ALPK2: variants seen among roughly 807,000 people sequenced by gnomAD.
ALPK2 encodes alpha-protein kinase 2.
ALPK2 carries 127 observed loss-of-function variants against 163.1 expected under a neutral mutation model. The ratio of observed to expected loss-of-function variants is 0.78; its 90% confidence interval spans 0.67 to 0.90. The LOEUF is 0.90. ALPK2 is among the 40% of genes least tolerant of loss of function. The probability of loss-of-function intolerance (pLI) is 0.00; values close to 1 mark genes in which losing one functional copy is unlikely to be tolerated. For missense variants in ALPK2, 2,360 were observed against 2,589.6 expected, an observed-to-expected ratio of 0.91 and a Z score of 1.92; for synonymous variants, 953 against 959.1, an observed-to-expected ratio of 0.99 and a Z score of 0.12.
chr18:58,624,497 C>A (rs957734695), intron 1 of ALPK2, among the ~76,000 whole-genome samples: 63 of 150,994 alleles, frequency 4.2e-4, no homozygotes, highest in Admixed American at 2.6e-4. Context: ...TCTTGTTGCC[C>A]AGGCTGGAGT....
intron 3 of ALPK2, among the ~76,000 whole-genome samples, chr18:58,593,268 T>C (rs1177925069): frequency 6.6e-6 from 1 of 151,884 alleles, no homozygotes; most frequent in Non-Finnish European, 1.5e-5. Context: ...AAAGTCTATT[T>C]AAAAAGAAAA....
intron 4 of ALPK2, among the ~76,000 whole-genome samples, chr18:58,570,082 A>G (rs942441680): frequency 1.4e-5 from 2 of 147,832 alleles, no homozygotes; most frequent in Non-Finnish European, 3.0e-5. Context: ...GTGAGCCGAG[A>G]TTGCGCCATT....
intron 10 of ALPK2, among the ~76,000 whole-genome samples, chr18:58,506,460 T>A (rs1001094503): frequency 2.0e-5 from 3 of 152,038 alleles, no homozygotes; most frequent in African/African-American, 7.2e-5. Flanking sequence ...GAAGAGCTCA[T>A]TTGCCCCCAC....
At chr18:58,484,730 G>T (rs901222125) in intron 12 of ALPK2, among the ~76,000 whole-genome samples, 2 of 146,254 alleles carry the variant, frequency 1.4e-5, no homozygotes, top group African/African-American at 5.1e-5. Flanking sequence ...GCGACAGAGC[G>T]AGACTTCGTC....
intron 4 of ALPK2, chr18:58,543,427 T>A (rs2051701826): frequency 1.0e-6 from 1 of 985,288 alleles, no homozygotes; most frequent in Non-Finnish European, 1.2e-6. Context: ...TGTGCGTTGA[T>A]ACAGGCAGGA....
chr18:58,552,108 A>G (rs544523528), intron 4 of ALPK2, among the ~76,000 whole-genome samples: 1 of 152,328 alleles, frequency 6.6e-6, no homozygotes, highest in East Asian at 1.9e-4. Flanking sequence ...AAATGCCCCA[A>G]ATCGCAAGGC....
intron 1 of ALPK2, among the ~76,000 whole-genome samples, chr18:58,627,244 A>G (rs1398636343): frequency 6.6e-6 from 1 of 152,220 alleles, no homozygotes; most frequent in Non-Finnish European, 1.5e-5. Context: ...GGAGAAAAAA[A>G]CTTTGTAGGT....
At chr18:58,586,815 T>C (rs556207711) in intron 3 of ALPK2, among the ~76,000 whole-genome samples, 6 of 151,298 alleles carry the variant, frequency 4.0e-5, no homozygotes, top group African/African-American at 1.5e-4. Context: ...GGCAGTAGAT[T>C]ACAATTGGGT....
Position 58,498,530 on chromosome 18 carries a change from G to T in ALPK2, c.6248-433C>A, listed in dbSNP as rs73959670. ...CATGATGGAAAGAAAAGTAGGCACG[G>T]CCTGGGATAGTCAATGCCAATAGCA... On this transcript the variant is annotated intron_variant, in intron 11 of 12. Coordinates refer to ENST00000361673, the MANE Select transcript of ALPK2 (RefSeq NM_052947.4). Among the ~76,000 whole-genome samples, 429 of 152,332 alleles carry T rather than the reference G, an allele frequency of 2.8e-3. 1 individual carries two copies. The highest frequency in any genetic ancestry group is 9.9e-3 in the African/African-American group (411 of 41,578).
chr18:58,482,583 C>T (rs1438941852), intron 12 of ALPK2, among the ~76,000 whole-genome samples: 1 of 152,140 alleles, frequency 6.6e-6, no homozygotes, highest in African/African-American at 2.4e-5. Context: ...CCCTCTGAGT[C>T]TTTCTCCTAC....
At chr18:58,605,475 C>G (rs1344165879) in intron 3 of ALPK2, among the ~76,000 whole-genome samples, 2 of 152,190 alleles carry the variant, frequency 1.3e-5, no homozygotes, top group Non-Finnish European at 2.9e-5. Flanking sequence ...GGCACTGTGC[C>G]AGGCTCTAGG....
At chr18:58,621,976 C>T (rs968585192) in intron 1 of ALPK2, among the ~76,000 whole-genome samples, 1 of 151,444 alleles carries the variant, frequency 6.6e-6, no homozygotes, top group Non-Finnish European at 1.5e-5. Flanking sequence ...CTCCTCTCCC[C>T]TGCTGTTTAA....
chr18:58,596,699 C>A (rs920578179), intron 3 of ALPK2, among the ~76,000 whole-genome samples: 2 of 152,236 alleles, frequency 1.3e-5, no homozygotes, highest in Non-Finnish European at 2.9e-5. Flanking sequence ...TCATTCAAAT[C>A]ATTTCCCCCA....
intron 10 of ALPK2, among the ~76,000 whole-genome samples, chr18:58,507,840 C>T (rs2051469524): frequency 6.6e-6 from 1 of 152,128 alleles, no homozygotes; most frequent in African/African-American, 2.4e-5. Flanking sequence ...GGTAACAGCC[C>T]CTCTCCAAAA....
chr18:58,604,916 G>A (rs2052090096), intron 3 of ALPK2, among the ~76,000 whole-genome samples: 1 of 152,076 alleles, frequency 6.6e-6, no homozygotes, highest in Admixed American at 6.5e-5. Context: ...GCTTCCTCAT[G>A]GGCTTCTTAT....
chr18:58,600,319 G>A lies in ALPK2; in HGVS notation c.227+7003C>T, dbSNP rs148048751. Among the ~76,000 whole-genome samples the A allele has an allele frequency of 1.1e-3, 169 of 152,330 alleles. 1 individual carries two copies. Among genetic ancestry groups the A allele is most frequent in the African/African-American group, 3.9e-3 (164 of 41,588 alleles). ...CCCAAAGTGCTGGGATTACAGGCGT[G>A]AGTCACCGCATCCGGCCCCAGTGGG... On this transcript the variant is annotated intron_variant, in intron 3 of 12. Coordinates refer to ENST00000361673, the MANE Select transcript of ALPK2 (RefSeq NM_052947.4).
intron 4 of ALPK2, among the ~76,000 whole-genome samples, chr18:58,566,199 T>A (rs2051852269): frequency 6.6e-6 from 1 of 152,260 alleles, no homozygotes; most frequent in African/African-American, 2.4e-5. Context: ...AACATCAGTT[T>A]ATTGGGGGTC....
chr18:58,535,574 G>A lies in ALPK2; in HGVS notation c.4613C>T (p.Thr1538Ile). The A allele has an allele frequency of 6.2e-7, 1 of 1,614,220 alleles. No homozygotes were observed. Among genetic ancestry groups the A allele is most frequent in the Non-Finnish European group, 8.5e-7 (1 of 1,180,028 alleles). ...TGGAAGACAACTAGAAAGAGGTGAA[G>A]TGGGGGAAATCAATTCTGCTTTGTC... is the stretch of plus-strand genomic sequence containing the variant. The part of the protein sequence containing the change: ...KKDKAELISP[T>I]SPLSSCLPIM... The change falls in exon 5 of 13, where the codon ACT (threonine) becomes ATT (isoleucine). Residue 1538 changes from threonine (T) to isoleucine (I), a missense_variant. Thr to Ile is a moderately conservative substitution (Grantham distance 89). Coordinates refer to ENST00000361673, the MANE Select transcript of ALPK2 (RefSeq NM_052947.4).
At chr18:58,482,111 TGAAAGG>T (rs2051314824) in intron 12 of ALPK2, 72 bp from the exon 13 acceptor site, 1 of 1,190,788 alleles carries the variant, frequency 8.4e-7, no homozygotes. Flanking sequence ...AAGAAAAACT[TGAAAGG>T]GAAAACTAAT....
Sources: allele counts gnomAD v4.1 joint callset (sites outside exome capture counted in the v4.1 genomes callset), GRCh38; gene constraint gnomAD v4.1.1; transcripts MANE v1.5; gene names NCBI Gene and HGNC (gene_info 2026-07-23, HGNC 2026-07-21).